The following RGS7BP variants were observed in gnomAD, a reference collection of about 807,000 sequenced individuals.
RGS7BP encodes regulator of G protein signaling 7-binding protein.
In RGS7BP, 9 loss-of-function variants were observed where a neutral mutation model predicts 31.3. The ratio of observed to expected loss-of-function variants is 0.29; its 90% CI spans 0.17 to 0.50. The LOEUF is 0.50. Among genes scored for constraint, RGS7BP ranks in the 20% least tolerant of loss-of-function variants. The pLI is 0.98. For synonymous variants in RGS7BP, 115 were observed against 120.1 expected (o/e 0.96, Z 0.28); for missense variants, 274 against 322.0 (o/e 0.85, Z 1.14).
At chr5:64,601,436 A>C (rs1743215082) in intron 5 of RGS7BP, 1 of 983,900 alleles carries the variant, frequency 1.0e-6, no homozygotes, top group Admixed American at 6.2e-5. Flanking sequence ...GTTTACTTTA[A>C]ATCAACTTTC....
chr5:64,551,269 T>A (rs867411958), intron 2 of RGS7BP, among the ~76,000 whole-genome samples: 12 of 146,960 alleles, frequency 8.2e-5, no homozygotes, highest in African/African-American at 2.8e-4. Context: ...TTTATTTTAT[T>A]TTTTTTTTTT....
At chr5:64,572,427 A>G (rs1259986905) in intron 2 of RGS7BP, among the ~76,000 whole-genome samples, 1 of 152,178 alleles carries the variant, frequency 6.6e-6, no homozygotes, top group Non-Finnish European at 1.5e-5. Context: ...ATAAATCTTA[A>G]AGCTCTAAAG....
intron 3 of RGS7BP, among the ~76,000 whole-genome samples, chr5:64,581,005 G>A (rs1742582691): frequency 6.6e-6 from 1 of 152,098 alleles, no homozygotes; most frequent in East Asian, 1.9e-4. Flanking sequence ...CTTGAGCCCA[G>A]GAATTTGAGA....
At chr5:64,508,802 A>C (rs1471509354) in intron 2 of RGS7BP, among the ~76,000 whole-genome samples, 1 of 152,222 alleles carries the variant, frequency 6.6e-6, no homozygotes, top group East Asian at 1.9e-4. Context: ...TGATAATGTT[A>C]CAAGCTGATC....
At chr5:64,517,225 G>A (rs1275202322) in intron 2 of RGS7BP, among the ~76,000 whole-genome samples, 2 of 152,160 alleles carry the variant, frequency 1.3e-5, no homozygotes, top group Admixed American at 1.3e-4. Flanking sequence ...AGGCCACCAT[G>A]TCCAGATGGA....
chr5:64,536,250 T>C lies in RGS7BP; in HGVS notation c.332+28373T>C, dbSNP rs142885377. Reference sequence around the variant, plus strand: ...AAAGGGAAGATATTTCTGATTTCTGTAGACAAACTTCAACTGGGAGCAAGA... The same window carrying C: ...AAAGGGAAGATATTTCTGATTTCTGCAGACAAACTTCAACTGGGAGCAAGA... On this transcript the variant is annotated intron_variant, in intron 2 of 5. Coordinates refer to ENST00000334025, the MANE Select transcript of RGS7BP (RefSeq NM_001029875.3). 2.0e-3 allele frequency among the ~76,000 whole-genome samples: 297 copies of C among 152,298 alleles called. 1 individual carries two copies. Among genetic ancestry groups the C allele is most frequent in the African/African-American group, 6.7e-3 (278 of 41,560 alleles).
chr5:64,512,015 G>A (rs1474135311), intron 2 of RGS7BP, among the ~76,000 whole-genome samples: 1 of 152,150 alleles, frequency 6.6e-6, no homozygotes, highest in Non-Finnish European at 1.5e-5. Context: ...AGCCACACCT[G>A]AGAATGAGGA....
chr5:64,568,720 ATAG>A (rs1742228363), intron 2 of RGS7BP, among the ~76,000 whole-genome samples: 1 of 151,898 alleles, frequency 6.6e-6, no homozygotes, highest in Non-Finnish European at 1.5e-5. Context: ...TTACAATTTA[ATAG>A]TAGTATTTTT....
chr5:64,600,039 AG>A (rs1270767152), intron 5 of RGS7BP, among the ~76,000 whole-genome samples: 1 of 152,194 alleles, frequency 6.6e-6, no homozygotes, highest in Non-Finnish European at 1.5e-5. Flanking sequence ...CATCAAATAG[AG>A]GAATCCCTGC....
chr5:64,587,499 T>C (rs1166541411), intron 3 of RGS7BP, among the ~76,000 whole-genome samples: 1 of 152,118 alleles, frequency 6.6e-6, no homozygotes, highest in East Asian at 1.9e-4. Flanking sequence ...CTGGAACTGC[T>C]GTCAGGAAAA....
chr5:64,597,670 T>A (rs1743110045), intron 4 of RGS7BP, among the ~76,000 whole-genome samples: 1 of 151,646 alleles, frequency 6.6e-6, no homozygotes, highest in Non-Finnish European at 1.5e-5. Flanking sequence ...ATAGCACATG[T>A]TCTCACTTGT....
At chr5:64,526,232 G>A (rs955222501) in intron 2 of RGS7BP, among the ~76,000 whole-genome samples, 1 of 152,200 alleles carries the variant, frequency 6.6e-6, no homozygotes, top group African/African-American at 2.4e-5. Flanking sequence ...TGGTCAGCAG[G>A]CAGCAGGTGT....
chr5:64,526,290 C>T (rs1749228693), intron 2 of RGS7BP, among the ~76,000 whole-genome samples: 1 of 152,166 alleles, frequency 6.6e-6, no homozygotes, highest in Non-Finnish European at 1.5e-5. Flanking sequence ...TGGCATCTGG[C>T]TTGTTGGAAA....
At chr5:64,548,851 C>CTTTTTTTTTTTTTTTTTTT (rs555751491) in intron 2 of RGS7BP, among the ~76,000 whole-genome samples, 1 of 137,494 alleles carries the variant, frequency 7.3e-6, no homozygotes, top group African/African-American at 2.7e-5. Flanking sequence ...AAGCCCTTTC[C>CTTTTTTTTTTTTTTTTTTT]TTTTTTTTTT....
chr5:64,526,111 G>A (rs895960987), intron 2 of RGS7BP, among the ~76,000 whole-genome samples: 28 of 152,162 alleles, frequency 1.8e-4, no homozygotes, highest in Non-Finnish European at 2.9e-5. Context: ...TATTACGGGT[G>A]ACGTCAGCCA....
chr5:64,554,122 G>C (rs1741864358), intron 2 of RGS7BP, among the ~76,000 whole-genome samples: 1 of 152,112 alleles, frequency 6.6e-6, no homozygotes, highest in South Asian at 2.1e-4. Flanking sequence ...CTGGATTTCA[G>C]TTTGGCTTGG....
intron 2 of RGS7BP, among the ~76,000 whole-genome samples, chr5:64,544,055 A>G (rs1431602086): frequency 1.3e-5 from 2 of 152,230 alleles, no homozygotes; most frequent in African/African-American, 4.8e-5. Flanking sequence ...GCAGAGTTAC[A>G]TGTGTAAGTG....
chr5:64,586,416 C>A (rs188601561), intron 3 of RGS7BP, among the ~76,000 whole-genome samples: 1 of 152,314 alleles, frequency 6.6e-6, no homozygotes, highest in Non-Finnish European at 1.5e-5. Context: ...CTGCCTTGGA[C>A]ATATGACCCA....
intron 2 of RGS7BP, chr5:64,539,398 T>C (rs1341899444): frequency 6.6e-6 from 1 of 152,254 alleles, no homozygotes; most frequent in Non-Finnish European, 1.5e-5. Flanking sequence ...TACCAATTTT[T>C]GTCTATTATG....
Sources: gnomAD v4.1 joint callset for allele counts (sites outside exome capture counted in the v4.1 genomes callset) on GRCh38, gnomAD v4.1.1 for gene constraint, MANE v1.5 for transcripts, NCBI Gene and HGNC (gene_info 2026-07-23, HGNC 2026-07-21) for gene names.